Variants in THRB observed in about 807,000 individuals in gnomAD.
The protein encoded by THRB is thyroid hormone receptor beta.
Under a neutral mutation model 47.8 loss-of-function variants are expected in THRB, and 12 were observed. The observed-to-expected ratio is 0.25, with a 90% confidence interval of 0.16 to 0.41. The LOEUF (loss-of-function observed/expected upper bound fraction) is 0.41. Among genes scored for constraint, THRB ranks in the 10% least tolerant of loss-of-function variants. THRB has a pLI of 1.00. For synonymous variants in THRB, 218 were observed against 212.2 expected (o/e 1.03, Z -0.24); for missense variants, 348 against 589.2 (o/e 0.59, Z 4.24).
chr3:24,397,636 T>C (rs928525513), intron 1 of THRB, among the ~76,000 whole-genome samples: 2 of 144,024 alleles, frequency 1.4e-5, no homozygotes, highest in African/African-American at 5.2e-5. Flanking sequence ...AGTGTCACAC[T>C]GTCGCCCAGG....
chr3:24,332,090 C>T (rs1181339384), intron 2 of THRB, among the ~76,000 whole-genome samples: 2 of 152,276 alleles, frequency 1.3e-5, no homozygotes, highest in South Asian at 2.1e-4. Context: ...TTTGCAACTA[C>T]GAGTCGGTAG....
At chr3:24,448,167 GA>G (rs2072290658) in intron 1 of THRB, among the ~76,000 whole-genome samples, 1 of 152,050 alleles carries the variant, frequency 6.6e-6, no homozygotes, top group South Asian at 2.1e-4. Context: ...TCCAAGTACA[GA>G]AATGGTCAGA....
At chr3:24,325,765 T>C (rs935133945) in intron 2 of THRB, among the ~76,000 whole-genome samples, 1 of 152,232 alleles carries the variant, frequency 6.6e-6, no homozygotes, top group African/African-American at 2.4e-5. Context: ...TTTTTCTTCA[T>C]TGATTAACTT....
At chr3:24,389,783 G>A (rs1440796831) in intron 1 of THRB, among the ~76,000 whole-genome samples, 1 of 151,982 alleles carries the variant, frequency 6.6e-6, no homozygotes, top group Non-Finnish European at 1.5e-5. Flanking sequence ...AGGATTAAAG[G>A]CTTTTGGCAG....
At chr3:24,317,110 T>C (rs1006860026) in intron 2 of THRB, among the ~76,000 whole-genome samples, 3 of 152,212 alleles carry the variant, frequency 2.0e-5, no homozygotes, top group East Asian at 1.9e-4. Context: ...CTTTGTTCCT[T>C]TGAGTTTATC....
At chr3:24,170,885 A>G (rs1164777998) in intron 5 of THRB, among the ~76,000 whole-genome samples, 3 of 152,180 alleles carry the variant, frequency 2.0e-5, no homozygotes, top group Non-Finnish European at 4.4e-5. Flanking sequence ...AAAATGTTAC[A>G]TATTGCAATA....
chr3:24,272,281 G>T (rs568155739), intron 3 of THRB, among the ~76,000 whole-genome samples: 1 of 152,110 alleles, frequency 6.6e-6, no homozygotes, highest in South Asian at 2.1e-4. Flanking sequence ...AGGAGGTTGA[G>T]GCAACAGTGA....
At chr3:24,392,275 T>A (rs947394198) in intron 1 of THRB, among the ~76,000 whole-genome samples, 2 of 152,102 alleles carry the variant, frequency 1.3e-5, no homozygotes, top group Non-Finnish European at 2.9e-5. Context: ...TTGATACATA[T>A]TTTTGGGGTA....
At chr3:24,447,974 A>C (rs1577643640) in intron 1 of THRB, among the ~76,000 whole-genome samples, 1 of 152,248 alleles carries the variant, frequency 6.6e-6, no homozygotes, top group Middle Eastern at 3.4e-3. Context: ...TTTATGAAGT[A>C]CCTTCCTGCC....
chr3:24,277,371 C>T (rs1053367863), intron 3 of THRB, among the ~76,000 whole-genome samples: 1 of 152,134 alleles, frequency 6.6e-6, no homozygotes, highest in Non-Finnish European at 1.5e-5. Context: ...TAATGCCAAT[C>T]TAAATCAGTA....
At chr3:24,489,172 G>A (rs1331503632) in intron 1 of THRB, among the ~76,000 whole-genome samples, 1 of 151,952 alleles carries the variant, frequency 6.6e-6, no homozygotes, top group East Asian at 1.9e-4. Context: ...AACCTAGGAG[G>A]TGGAGGTTGC....
chr3:24,311,710 T>C (rs1161467304), intron 2 of THRB, among the ~76,000 whole-genome samples: 1 of 152,172 alleles, frequency 6.6e-6, no homozygotes, highest in Non-Finnish European at 1.5e-5. Context: ...ATCTCTCTTC[T>C]GGACTCTTCA....
At chr3:24,450,272 A>G (rs1386554975) in intron 1 of THRB, among the ~76,000 whole-genome samples, 1 of 152,226 alleles carries the variant, frequency 6.6e-6, no homozygotes, top group East Asian at 1.9e-4. Flanking sequence ...TAAGGACTAC[A>G]CACTCAAAAA....
At chr3:24,126,360 A>G (rs1315478240) in intron 10 of THRB, among the ~76,000 whole-genome samples, 1 of 152,178 alleles carries the variant, frequency 6.6e-6, no homozygotes, top group Non-Finnish European at 1.5e-5. Flanking sequence ...CAGCCTGGGC[A>G]ACAGAGCAAG....
At chr3:24,249,402 T>G (rs1278287336) in intron 3 of THRB, among the ~76,000 whole-genome samples, 1 of 152,180 alleles carries the variant, frequency 6.6e-6, no homozygotes, top group Non-Finnish European at 1.5e-5. Context: ...GTGATAATTA[T>G]TTTAAACCAA....
chr3:24,409,923 T>C (rs971149349), intron 1 of THRB, among the ~76,000 whole-genome samples: 4 of 151,880 alleles, frequency 2.6e-5, no homozygotes, highest in African/African-American at 9.7e-5. Context: ...CCTATTGCTA[T>C]TCATTCAGAT....
chr3:24,361,372 A>T (rs1333215631), intron 1 of THRB, among the ~76,000 whole-genome samples: 1 of 152,164 alleles, frequency 6.6e-6, no homozygotes, highest in African/African-American at 2.4e-5. Flanking sequence ...TATACATAAT[A>T]CACAGCCCAA....
In THRB at chr3:24,447,625, A is replaced by C. The variant is rs1048701674; in HGVS notation, c.-261+47027T>G. Among the ~76,000 whole-genome samples the C allele has an allele frequency of 5.9e-5, 9 of 152,306 alleles. No homozygotes were observed. In the East Asian group the frequency reaches 1.7e-3, roughly 29 times the overall value. ...CCTCTTCTTTGAAATGAATGATTTCAAGCTTAATGGAAATTTAAAGTACTA... is the reference window on the plus strand; with the variant it reads ...CCTCTTCTTTGAAATGAATGATTTCCAGCTTAATGGAAATTTAAAGTACTA... On this transcript the variant is annotated intron_variant, in intron 1 of 10. Coordinates refer to ENST00000646209, the MANE Select transcript of THRB (RefSeq NM_001354712.2).
In THRB at chr3:24,122,839, A is replaced by T. The variant is rs1235449833; in HGVS notation, c.*45T>A. The T allele has an allele frequency of 1.9e-6, 3 of 1,613,860 alleles. No homozygotes were observed. In the South Asian group the frequency reaches 3.3e-5, roughly 18 times the overall value. ...AAGAGCTAGGCAATGGAATGAAATG[A>T]CACCCAGTAGTGCTGTAGGAATTAT... On this transcript the variant is annotated 3_prime_UTR_variant, in exon 11 of 11. Coordinates refer to ENST00000646209, the MANE Select transcript of THRB (RefSeq NM_001354712.2).
Sources: gnomAD v4.1 joint callset for allele counts (sites outside exome capture counted in the v4.1 genomes callset) on GRCh38, gnomAD v4.1.1 for gene constraint, MANE v1.5 for transcripts, NCBI Gene and HGNC (gene_info 2026-07-23, HGNC 2026-07-21) for gene names.